Variants in KLF8 observed in about 807,000 individuals in gnomAD.
KLF8 encodes the protein Krueppel-like factor 8.
Under a neutral mutation model 18.2 loss-of-function variants are expected in KLF8, and 10 were observed. That is an observed-to-expected ratio of 0.55 (90% CI 0.34 to 0.93). KLF8 has a LOEUF of 0.93. Ranked by LOEUF, KLF8 falls within the 40% of genes least tolerant of loss-of-function variation. The pLI is 0.02. For missense variants in KLF8, 264 were observed against 277.9 expected, an observed-to-expected ratio of 0.95 and a Z score of 0.36; for synonymous variants, 109 against 97.3, an observed-to-expected ratio of 1.12 and a Z score of -0.71.
chrX:56,072,967 T>A, the KLF8 span, among the ~76,000 whole-genome samples: 1 of 105,357 alleles, frequency 9.5e-6, no homozygotes, highest in Non-Finnish European at 2.0e-5. Context: ...TACATTTGCA[T>A]CTGGCTTATT....
chrX:56,003,258 C>CA, the KLF8 span, among the ~76,000 whole-genome samples: 1 of 109,561 alleles, frequency 9.1e-6, no homozygotes, highest in Non-Finnish European at 1.9e-5. Context: ...AAAACAAAAA[C>CA]AAAAAACTGG....
At chrX:56,107,187 G>C in the KLF8 span, among the ~76,000 whole-genome samples, 1 of 112,165 alleles carries the variant, frequency 8.9e-6, no homozygotes, top group Non-Finnish European at 1.9e-5. Context: ...GGACCCACTG[G>C]AGTAGGCAGT....
In KLF8 at chrX:56,243,221, C is replaced by T. The variant is rs1047840515; in HGVS notation, c.8-7010C>T. ...CTTGTTTCTCCTGGGGGCACTCCTC[C>T]GAGGATATTTGGGCTGCCTACAGAG... On this transcript the variant is annotated intron_variant, in intron 1 of 5. Coordinates refer to ENST00000468660, the MANE Select transcript of KLF8 (RefSeq NM_007250.5). 45 of 464,619 alleles carry T rather than the reference C, an allele frequency of 9.7e-5. No individual in the cohort carries two copies. In the African/African-American group the frequency reaches 9.8e-4, roughly 10 times the overall value. 38.3% of individuals were successfully genotyped at this position (464,619 alleles called of 1,213,427 possible). A position where few individuals can be genotyped will look rare whatever the true frequency, so the allele number is the denominator to read the frequency against.
At chrX:56,075,461 G>A in the KLF8 span, among the ~76,000 whole-genome samples, 4 of 110,876 alleles carry the variant, frequency 3.6e-5, no homozygotes, top group East Asian at 2.8e-4. Context: ...TGTAATAATC[G>A]CATCATGGAA....
At chrX:56,102,632 G>C in the KLF8 span, among the ~76,000 whole-genome samples, 1 of 111,033 alleles carries the variant, frequency 9.0e-6, no homozygotes, top group Admixed American at 9.6e-5. Context: ...CTCTGATTTC[G>C]TTCAGCAGGA....
the KLF8 span, among the ~76,000 whole-genome samples, chrX:56,144,991 C>T: frequency 1.8e-5 from 2 of 108,686 alleles, no homozygotes; most frequent in African/African-American, 6.7e-5. Context: ...TGGGGTTTCA[C>T]CATGTTGGCC....
At chrX:56,083,972 C>T in the KLF8 span, among the ~76,000 whole-genome samples, 14 of 111,668 alleles carry the variant, frequency 1.3e-4, no homozygotes, top group Non-Finnish European at 1.7e-4. Context: ...ATCTAGAGTG[C>T]ATAGAAAACA....
In KLF8 at chrX:56,291,005, G is replaced by A. The variant is rs2067317245; in HGVS notation, c.*6511G>A. Among the ~76,000 whole-genome samples, 5 of 110,407 alleles carry A rather than the reference G, an allele frequency of 4.5e-5. No individual in the cohort carries two copies. The highest frequency in any genetic ancestry group is 4.0e-4 in the South Asian group (1 of 2,516). ...TGCTGTATGCCATGCTGTTTTCATT[G>A]TATCACAGAATTAAAAGGGGAAGAG... On this transcript the variant is annotated 3_prime_UTR_variant, in exon 6 of 6. Transcript: ENST00000468660.
intron 1 of KLF8, among the ~76,000 whole-genome samples, chrX:56,243,997 C>A (rs2066588865): frequency 9.0e-6 from 1 of 111,317 alleles, no homozygotes; most frequent in African/African-American, 3.3e-5. Flanking sequence ...TGGTTTATAG[C>A]AACCATTTAT....
At chrX:56,010,126 C>T in the KLF8 span, among the ~76,000 whole-genome samples, 13 of 111,073 alleles carry the variant, frequency 1.2e-4, no homozygotes, top group African/African-American at 2.3e-4. Context: ...GTAAGATATT[C>T]CATGAGAAGA....
At chrX:55,972,760 A>C in the KLF8 span, among the ~76,000 whole-genome samples, 1 of 112,050 alleles carries the variant, frequency 8.9e-6, no homozygotes. Flanking sequence ...TGGATAGGAA[A>C]AATCTATATT....
the KLF8 span, among the ~76,000 whole-genome samples, chrX:56,119,699 C>T: frequency 9.1e-6 from 1 of 109,559 alleles, no homozygotes; most frequent in Non-Finnish European, 1.9e-5. Context: ...CGCGCCTGGC[C>T]TATTTTTAGT....
At chrX:55,945,721 A>G in the KLF8 span, among the ~76,000 whole-genome samples, 4 of 111,351 alleles carry the variant, frequency 3.6e-5, no homozygotes, top group East Asian at 2.8e-4. Context: ...AGATGACATG[A>G]TTGTATATCT....
the KLF8 span, among the ~76,000 whole-genome samples, chrX:55,969,905 C>T: frequency 6.3e-5 from 7 of 110,766 alleles, no homozygotes; most frequent in Admixed American, 1.9e-4. Context: ...CCTGAACAGA[C>T]CAGTAATAAG....
chrX:55,988,843 G>A, the KLF8 span, among the ~76,000 whole-genome samples: 13 of 111,657 alleles, frequency 1.2e-4, no homozygotes, highest in South Asian at 1.9e-3. Context: ...AGCATGGAAC[G>A]TTCTTTCATT....
intron 4 of KLF8, 30 bp downstream of exon 4, chrX:56,269,519 TTGTGTATGTGTGTG>T: frequency 1.8e-6 from 2 of 1,113,212 alleles, no homozygotes; most frequent in Non-Finnish European, 2.4e-6. Context: ...AAGTCTGTCT[TTGTGTATGTGTGTG>T]TGTGTGTGTG....
chrX:56,044,878 C>G, the KLF8 span, among the ~76,000 whole-genome samples: 1 of 112,452 alleles, frequency 8.9e-6, no homozygotes, highest in Non-Finnish European at 1.9e-5. Flanking sequence ...TATGTATGGA[C>G]AGATTTCCTG....
At chrX:56,204,620 T>C in the KLF8 span, among the ~76,000 whole-genome samples, 1 of 111,471 alleles carries the variant, frequency 9.0e-6, no homozygotes, top group Non-Finnish European at 1.9e-5. Flanking sequence ...CTTTAGGGTT[T>C]TTTTTTATCA....
the KLF8 span, among the ~76,000 whole-genome samples, chrX:56,157,201 C>T: frequency 5.4e-5 from 5 of 92,220 alleles, no homozygotes; most frequent in East Asian, 1.1e-3. Flanking sequence ...CATATGGACA[C>T]AGGAAGGGGG....
Sources: allele counts gnomAD v4.1 joint callset (sites outside exome capture counted in the v4.1 genomes callset), GRCh38; gene constraint gnomAD v4.1.1; transcripts MANE v1.5; gene names NCBI Gene and HGNC (gene_info 2026-07-23, HGNC 2026-07-21).